Variants in RICTOR observed in about 807,000 individuals in gnomAD.
RICTOR encodes RPTOR independent companion of MTOR complex 2.
A neutral mutation model predicts 214.9 loss-of-function variants in RICTOR; 49 were observed. That is an observed-to-expected ratio of 0.23 (90% confidence interval 0.18 to 0.29). RICTOR has a LOEUF of 0.29. Among genes scored for constraint, RICTOR ranks in the 10% least tolerant of loss-of-function variants. The pLI is 1.00. For missense variants in RICTOR, 1,625 were observed against 2,047.0 expected, an observed-to-expected ratio of 0.79 and a Z score of 3.98; for synonymous variants, 717 against 711.3, an observed-to-expected ratio of 1.01 and a Z score of -0.13.
At chr5:39,026,118 G>A (rs1675349822) in intron 2 of RICTOR, among the ~76,000 whole-genome samples, 1 of 152,162 alleles carries the variant, frequency 6.6e-6, no homozygotes, top group Admixed American at 6.5e-5. Flanking sequence ...AAAAGTATCA[G>A]GTCAGAAATA....
intron 2 of RICTOR, among the ~76,000 whole-genome samples, chr5:39,041,940 C>CA (rs35609106): frequency 0.12 from 9,874 of 84,004 alleles, 453 homozygotes; most frequent in Non-Finnish European, 0.14. Flanking sequence ...GACCCTGTTT[C>CA]AAAAAAAAAA....
At chr5:38,949,469 G>C (rs977241692) in intron 31 of RICTOR, 14 of 1,502,354 alleles carry the variant, frequency 9.3e-6, no homozygotes, top group Non-Finnish European at 1.1e-5. Context: ...CTTGTGACTT[G>C]TATGTCCTTT....
At position 38,972,452 on chromosome 5, in the gene RICTOR, CAT is replaced by C. The variant is rs534904823; in HGVS notation, c.890-495_890-494del. ...CAGAACTAAGTTGAACAATTTTAAA[CAT>C]ATTAAAATCATGTCACAAAAGACGT... On this transcript the variant is annotated intron_variant, in intron 10 of 37. Coordinates refer to ENST00000357387, the MANE Select transcript of RICTOR (RefSeq NM_152756.5). Among the ~76,000 whole-genome samples the C allele has an allele frequency of 4.2e-3, 635 of 152,230 alleles. 4 individuals carry two copies. Among genetic ancestry groups the C allele is most frequent in the Non-Finnish European group, 6.6e-3 (448 of 67,996 alleles).
chr5:39,063,826 C>T (rs1398858880), intron 2 of RICTOR, among the ~76,000 whole-genome samples: 1 of 150,684 alleles, frequency 6.6e-6, no homozygotes, highest in African/African-American at 2.4e-5. Context: ...CAAATTAACA[C>T]AATGGGGTTA....
chr5:39,025,023 T>A (rs1315414686), intron 2 of RICTOR, among the ~76,000 whole-genome samples: 1 of 152,118 alleles, frequency 6.6e-6, no homozygotes, highest in Admixed American at 6.6e-5. Flanking sequence ...AACAACAAAC[T>A]GCATGCACAT....
chr5:38,991,364 C>T (rs923309702), intron 6 of RICTOR, among the ~76,000 whole-genome samples: 4 of 152,002 alleles, frequency 2.6e-5, no homozygotes, highest in African/African-American at 9.7e-5. Flanking sequence ...TAGAATAGGG[C>T]CTAAATCTTA....
chr5:39,020,980 T>C, intron 3 of RICTOR, 59 bp downstream of exon 3: 1 of 839,304 alleles, frequency 1.2e-6, no homozygotes, highest in Non-Finnish European at 2.1e-6. Context: ...AAGAAACATT[T>C]AGTAAGTGTG....
intron 2 of RICTOR, among the ~76,000 whole-genome samples, chr5:39,039,072 C>A (rs1756967804): frequency 6.6e-6 from 1 of 152,182 alleles, no homozygotes; most frequent in Non-Finnish European, 1.5e-5. Flanking sequence ...AACTATACTA[C>A]AAGGCTACAG....
chr5:38,995,020 G>A (rs1304366145), intron 6 of RICTOR, among the ~76,000 whole-genome samples: 1 of 152,168 alleles, frequency 6.6e-6, no homozygotes, highest in African/African-American at 2.4e-5. Context: ...CACCGCATGT[G>A]TTATCAAAAC....
intron 2 of RICTOR, among the ~76,000 whole-genome samples, chr5:39,069,242 CTA>C (rs1759128216): frequency 6.6e-6 from 1 of 152,124 alleles, no homozygotes; most frequent in Admixed American, 6.5e-5. Context: ...TGAAGACAAA[CTA>C]TTCTGTCTGT....
At chr5:39,050,595 C>A (rs1285293547) in intron 2 of RICTOR, among the ~76,000 whole-genome samples, 1 of 152,096 alleles carries the variant, frequency 6.6e-6, no homozygotes, top group African/African-American at 2.4e-5. Flanking sequence ...CCTCGGCCTC[C>A]CAAAATGCTG....
chr5:38,947,170 GC>G, intron 32 of RICTOR, 93 bp downstream of exon 32: 1 of 853,306 alleles, frequency 1.2e-6, no homozygotes, highest in Non-Finnish European at 1.9e-6. Flanking sequence ...CCAAACTGGT[GC>G]CCACCCTAAA....
At chr5:39,006,264 C>G (rs1754044902) in intron 3 of RICTOR, among the ~76,000 whole-genome samples, 1 of 152,240 alleles carries the variant, frequency 6.6e-6, no homozygotes, top group African/African-American at 2.4e-5. Flanking sequence ...TGCCTTCAAA[C>G]AGGTTTTCCT....
chr5:38,947,399 ATCT>A lies in RICTOR; in HGVS notation c.4176_4178del (p.Glu1392del), dbSNP rs779645696. On this transcript the variant is annotated inframe_deletion, in exon 32 of 38. Transcript: ENST00000357387. The stretch of plus-strand genomic sequence containing the variant: ...TATTTTGATTAATAGGACTCAATAA[ATCT>A]TCTTTATCTAATGATGCATAACTTA... 55 of 1,611,916 alleles carry A rather than the reference ATCT, an allele frequency of 3.4e-5. No homozygotes were observed. In the South Asian group the frequency reaches 5.7e-4, roughly 17 times the overall value.
At chr5:39,053,848 G>A (rs1483907101) in intron 2 of RICTOR, among the ~76,000 whole-genome samples, 5 of 138,526 alleles carry the variant, frequency 3.6e-5, no homozygotes, top group Non-Finnish European at 7.6e-5. Context: ...AGCCGAGATT[G>A]CGCCACTGCA....
At chr5:38,967,477 T>C in intron 12 of RICTOR, 50 bp from the exon 13 acceptor site, 1 of 1,347,400 alleles carries the variant, frequency 7.4e-7, no homozygotes, top group South Asian at 1.2e-5. Context: ...CACTGAAACA[T>C]TTCAGATAAG....
chr5:39,048,744 G>A (rs1757655865), intron 2 of RICTOR, among the ~76,000 whole-genome samples: 1 of 152,150 alleles, frequency 6.6e-6, no homozygotes. Flanking sequence ...TCTGGGACCT[G>A]CAACAAAGCA....
At chr5:39,027,507 T>G (rs1004150075) in intron 2 of RICTOR, among the ~76,000 whole-genome samples, 1 of 152,110 alleles carries the variant, frequency 6.6e-6, no homozygotes, top group African/African-American at 2.4e-5. Flanking sequence ...TAAATGTAAG[T>G]GTAATGTGTT....
intron 2 of RICTOR, among the ~76,000 whole-genome samples, chr5:39,051,514 G>A (rs574988948): frequency 2.4e-4 from 36 of 152,156 alleles, no homozygotes; most frequent in African/African-American, 7.9e-4. Flanking sequence ...TTTGGGAGGC[G>A]AGGCACGTGG....
Sources: gnomAD v4.1 joint callset for allele counts (sites outside exome capture counted in the v4.1 genomes callset) on GRCh38, gnomAD v4.1.1 for gene constraint, MANE v1.5 for transcripts, NCBI Gene and HGNC (gene_info 2026-07-23, HGNC 2026-07-21) for gene names.